Variants in ALPK2 observed in about 807,000 individuals in gnomAD.
ALPK2 encodes the protein alpha-protein kinase 2.
ALPK2 carries 127 observed loss-of-function variants against 163.1 expected under a neutral mutation model. The ratio of observed to expected loss-of-function variants is 0.78; its 90% CI spans 0.67 to 0.90. The LOEUF (loss-of-function observed/expected upper bound fraction) is 0.90. Ranked by LOEUF, ALPK2 falls within the 40% of genes least tolerant of loss-of-function variation. The pLI is 0.00. For synonymous variants in ALPK2, 953 were observed against 959.1 expected (o/e 0.99, Z 0.12); for missense variants, 2,360 against 2,589.6 (o/e 0.91, Z 1.92).
chr18:58,579,113 C>G lies in ALPK2; in HGVS notation c.1663G>C (p.Glu555Gln). The G allele has an allele frequency of 6.2e-7, 1 of 1,614,222 alleles. No homozygotes were observed. Among genetic ancestry groups the G allele is most frequent in the Non-Finnish European group, 8.5e-7 (1 of 1,180,044 alleles). ...NPKKPNANLR[E>Q]STTEGTLHLC... ...TGAAGGGTACCTTCTGTTGTACTTT[C>G]TCTCAGGTTGGCATTCGGCTTCTTG... is the stretch of plus-strand genomic sequence containing the variant. The change falls in exon 4 of 13, where the codon GAA becomes CAA. Residue 555 changes from glutamate (E) to glutamine (Q), a missense_variant. By Grantham distance (29) the Glu-to-Gln change is conservative. Transcript: ENST00000361673.
intron 3 of ALPK2, among the ~76,000 whole-genome samples, chr18:58,600,163 A>G (rs1036938103): frequency 1.3e-5 from 2 of 148,448 alleles, no homozygotes; most frequent in Admixed American, 1.4e-4. Context: ...CAGCCTCCCG[A>G]GTAGCTGGGA....
chr18:58,541,302 G>A (rs757138104), intron 4 of ALPK2, among the ~76,000 whole-genome samples: 35 of 152,290 alleles, frequency 2.3e-4, no homozygotes, highest in Non-Finnish European at 4.1e-4. Flanking sequence ...GGGAGGTGCC[G>A]CACACTTTTA....
rs143254374 is a variant in ALPK2, at chr18:58,537,091, A to T, written c.3096T>A (p.His1032Gln). ...YLAVSIPEDK[H>Q]AGGTEERFPR... ...GGAACCTCTCCTCAGTGCCACCTGC[A>T]TGCTTGTCCTCAGGAATTGACACAG... Residue 1032 changes from histidine to glutamine, a missense_variant, in exon 5 of 13, where the codon CAT becomes CAA. Coordinates refer to ENST00000361673, the MANE Select transcript of ALPK2 (RefSeq NM_052947.4). 1 of 1,614,210 alleles carries T rather than the reference A, an allele frequency of 6.2e-7. No individual in the cohort carries two copies. Among genetic ancestry groups the T allele is most frequent in the Admixed American group, 1.7e-5 (1 of 60,032 alleles).
At chr18:58,538,502 CTCTT>C (rs1486744876) in intron 4 of ALPK2, 5 of 399,174 alleles carry the variant, frequency 1.3e-5, no homozygotes, top group African/African-American at 8.2e-5. Flanking sequence ...ATTTCTTTCT[CTCTT>C]AGGAAATAGA....
intron 3 of ALPK2, among the ~76,000 whole-genome samples, chr18:58,591,497 A>G (rs1157032579): frequency 1.3e-5 from 2 of 152,212 alleles, no homozygotes; most frequent in African/African-American, 4.8e-5. Context: ...GCCAGGCACC[A>G]TTAACAAGCG....
At chr18:58,619,177 C>T (rs1030774793) in intron 1 of ALPK2, among the ~76,000 whole-genome samples, 1 of 152,230 alleles carries the variant, frequency 6.6e-6, no homozygotes. Context: ...AGACACTTAA[C>T]ACATTTCGGG....
At chr18:58,627,387 G>A (rs748809142) in intron 1 of ALPK2, among the ~76,000 whole-genome samples, 3 of 152,320 alleles carry the variant, frequency 2.0e-5, no homozygotes, top group African/African-American at 2.4e-5. Context: ...TTGGGAGGCC[G>A]AGGCGGGTGG....
rs1444095613 is a variant in ALPK2, at chr18:58,497,928, A to T, written c.6296+121T>A. 1.4e-5 allele frequency: 12 copies of T among 840,384 alleles called. No homozygotes were observed. The East Asian group carries it at 3.0e-4, about 21-fold the overall frequency. The allele number at this position is 840,384 out of a possible 1,614,324, so 52.1% of individuals were successfully genotyped here. On this transcript the variant is annotated intron_variant, in intron 12 of 12. Coordinates refer to ENST00000361673, the MANE Select transcript of ALPK2 (RefSeq NM_052947.4). ...AGAGAAATGAATTCATTCCAAGAACATTCGTCATCCACAGTTAGGACAAGA... is the reference window on the plus strand; with the variant it reads ...AGAGAAATGAATTCATTCCAAGAACTTTCGTCATCCACAGTTAGGACAAGA...
At chr18:58,623,652 G>T (rs2052213901) in intron 1 of ALPK2, among the ~76,000 whole-genome samples, 1 of 152,212 alleles carries the variant, frequency 6.6e-6, no homozygotes, top group Non-Finnish European at 1.5e-5. Flanking sequence ...TTTTAGTAGA[G>T]ACAGAGTTTT....
chr18:58,513,982 A>G (rs142777695), intron 10 of ALPK2, among the ~76,000 whole-genome samples: 62 of 152,344 alleles, frequency 4.1e-4, no homozygotes, highest in African/African-American at 1.4e-3. Flanking sequence ...TGTGTGTGGT[A>G]GGGTTGACTT....
chr18:58,485,185 T>C (rs975447918), intron 12 of ALPK2, among the ~76,000 whole-genome samples: 3 of 152,148 alleles, frequency 2.0e-5, no homozygotes, highest in Non-Finnish European at 4.4e-5. Flanking sequence ...GTGCTGGCCG[T>C]TGTTGCTTAA....
chr18:58,532,840 G>T (rs1178116916), intron 5 of ALPK2, among the ~76,000 whole-genome samples: 1 of 152,148 alleles, frequency 6.6e-6, no homozygotes, highest in Non-Finnish European at 1.5e-5. Flanking sequence ...TAAGGCATTT[G>T]CCCAGGGCTA....
At chr18:58,588,348 C>T (rs1030348821) in intron 3 of ALPK2, among the ~76,000 whole-genome samples, 2 of 152,202 alleles carry the variant, frequency 1.3e-5, no homozygotes, top group African/African-American at 4.8e-5. Context: ...ACTTACCCTT[C>T]ATTACTTTTT....
intron 4 of ALPK2, among the ~76,000 whole-genome samples, chr18:58,557,398 A>G (rs184476745): frequency 1.3e-5 from 2 of 152,086 alleles, no homozygotes; most frequent in African/African-American, 4.8e-5. Context: ...CCGAGAGGGA[A>G]CCCTCATGTA....
chr18:58,574,171 C>T (rs1034452391), intron 4 of ALPK2, among the ~76,000 whole-genome samples: 12 of 151,904 alleles, frequency 7.9e-5, no homozygotes, highest in East Asian at 1.9e-4. Flanking sequence ...GTGCTGGTTG[C>T]GGCAGCTCAC....
At chr18:58,515,534 C>A (rs2051516743) in intron 9 of ALPK2, among the ~76,000 whole-genome samples, 1 of 152,196 alleles carries the variant, frequency 6.6e-6, no homozygotes, top group Non-Finnish European at 1.5e-5. Flanking sequence ...GTGGATTCTG[C>A]ATCCTATGCT....
At chr18:58,618,084 T>G (rs548109314) in intron 1 of ALPK2, among the ~76,000 whole-genome samples, 1 of 152,312 alleles carries the variant, frequency 6.6e-6, no homozygotes, top group South Asian at 2.1e-4. Context: ...TTGCTCTTGT[T>G]GCCCAGGCTG....
intron 4 of ALPK2, among the ~76,000 whole-genome samples, chr18:58,548,216 A>G (rs2051729267): frequency 6.6e-6 from 1 of 152,210 alleles, no homozygotes; most frequent in Non-Finnish European, 1.5e-5. Flanking sequence ...CATACCAAAA[A>G]ATGGCGAGAA....
chr18:58,553,758 T>C (rs921534738), intron 4 of ALPK2, among the ~76,000 whole-genome samples: 5 of 151,914 alleles, frequency 3.3e-5, no homozygotes, highest in African/African-American at 1.2e-4. Flanking sequence ...GTAAGCTTTC[T>C]GAGGCTTCCC....
Sources: gnomAD v4.1 joint callset for allele counts (sites outside exome capture counted in the v4.1 genomes callset) on GRCh38, gnomAD v4.1.1 for gene constraint, MANE v1.5 for transcripts, NCBI Gene and HGNC (gene_info 2026-07-23, HGNC 2026-07-21) for gene names.